Variants in RBFOX1 observed in about 807,000 individuals in gnomAD.
RBFOX1 encodes RNA binding protein fox-1 homolog 1.
A neutral mutation model predicts 57.7 loss-of-function variants in RBFOX1; 8 were observed. The observed-to-expected ratio is 0.14, with a 90% CI of 0.08 to 0.25. The LOEUF is 0.25. RBFOX1 is among the 10% of genes least tolerant of loss of function. The pLI is 1.00. For synonymous variants in RBFOX1, 326 were observed against 222.4 expected, an observed-to-expected ratio of 1.47 and a Z score of -4.15; for missense variants, 611 against 548.5, an observed-to-expected ratio of 1.11 and a Z score of -1.14.
chr16:6,333,483 T>C (rs1383094942), intron 2 of RBFOX1, among the ~76,000 whole-genome samples: 1 of 152,244 alleles, frequency 6.6e-6, no homozygotes, highest in Non-Finnish European at 1.5e-5. Context: ...CAAATCTCCC[T>C]TTGTCATCAT....
At chr16:6,386,029 G>T (rs577215611) in intron 2 of RBFOX1, among the ~76,000 whole-genome samples, 2 of 150,686 alleles carry the variant, frequency 1.3e-5, no homozygotes, top group African/African-American at 4.9e-5. Context: ...TCCGCCTCCC[G>T]GGTTCACACC....
chr16:6,183,822 C>T (rs2097086398), intron 1 of RBFOX1, among the ~76,000 whole-genome samples: 1 of 152,074 alleles, frequency 6.6e-6, no homozygotes, highest in Non-Finnish European at 1.5e-5. Flanking sequence ...GGGGTAGAAG[C>T]TAGGAGGGGA....
At chr16:6,977,992 A>G (rs9938284) in intron 3 of RBFOX1, among the ~76,000 whole-genome samples, 8,995 of 146,692 alleles carry the variant, frequency 0.061, 1,052 homozygotes, top group African/African-American at 0.22. Flanking sequence ...GTGTCTTTGC[A>G]AGACACTCAG....
At chr16:7,511,886 C>G (rs1281377408) in intron 4 of RBFOX1, among the ~76,000 whole-genome samples, 1 of 152,054 alleles carries the variant, frequency 6.6e-6, no homozygotes, top group Non-Finnish European at 1.5e-5. Flanking sequence ...AGCGTGAGAT[C>G]TTGGCCTTCT....
chr16:6,437,929 G>A (rs1248717884), intron 2 of RBFOX1, among the ~76,000 whole-genome samples: 2 of 152,142 alleles, frequency 1.3e-5, no homozygotes, highest in Non-Finnish European at 2.9e-5. Flanking sequence ...TGGGGACACA[G>A]AGCCAAACCA....
rs35177784 is a variant in RBFOX1, at chr16:7,186,994, C to CAAAAAAAAAAAAAAAA, written c.27+134905_27+134920dup. Reference sequence around the variant, plus strand: ...GCAACATGAGGAAACCCCACCTCCACAAAAAAAAAAAAAAAAAAAAAAAAT... The same window carrying CAAAAAAAAAAAAAAAA: ...GCAACATGAGGAAACCCCACCTCCACAAAAAAAAAAAAAAAAAAAAAAAAAAAAAAAAAAAAAAAAT... On this transcript the variant is annotated intron_variant, in intron 4 of 15. Transcript: ENST00000550418. 1.2e-3 allele frequency among the ~76,000 whole-genome samples: 80 copies of CAAAAAAAAAAAAAAAA among 69,258 alleles called. 1 individual carries two copies. Among genetic ancestry groups the CAAAAAAAAAAAAAAAA allele is most frequent in the African/African-American group, 5.0e-3 (79 of 15,646 alleles). The allele number at this position is 69,258 out of a possible 152,430, so 45.4% of individuals were successfully genotyped here.
intron 1 of RBFOX1, among the ~76,000 whole-genome samples, chr16:6,294,277 G>A (rs978259569): frequency 6.6e-6 from 1 of 152,208 alleles, no homozygotes; most frequent in African/African-American, 2.4e-5. Context: ...GGAGAGCACA[G>A]ACTCTTCCTG....
At chr16:7,018,084 C>A (rs760220591) in intron 3 of RBFOX1, among the ~76,000 whole-genome samples, 4 of 151,992 alleles carry the variant, frequency 2.6e-5, no homozygotes, top group African/African-American at 4.8e-5. Context: ...TGCATGTACA[C>A]CCAGCTGTTT....
intron 1 of RBFOX1, chr16:6,057,233 C>T (rs1012431633): frequency 2.4e-4 from 36 of 152,106 alleles, no homozygotes; most frequent in African/African-American, 8.7e-4. Flanking sequence ...ATATTGTCTG[C>T]CTCCTCTAAA....
chr16:6,562,889 T>TC (rs1567694297), intron 2 of RBFOX1, among the ~76,000 whole-genome samples: 12 of 142,912 alleles, frequency 8.4e-5, no homozygotes, highest in Admixed American at 2.8e-4. Flanking sequence ...TCTTTTTTTT[T>TC]TTTTTTTTTG....
chr16:6,968,448 C>T lies in RBFOX1; in HGVS notation c.-15-83609C>T, dbSNP rs573411222. On this transcript the variant is annotated intron_variant, in intron 3 of 15. Coordinates refer to ENST00000550418, the MANE Select transcript of RBFOX1 (RefSeq NM_018723.4). ...ACGCAGCTGAAATAAAAGCATGCTG[C>T]CTGACGCTATCCGGACCGAAAAACT... 2.0e-5 allele frequency among the ~76,000 whole-genome samples: 3 copies of T among 152,210 alleles called. No homozygotes were observed. In the South Asian group the frequency reaches 6.2e-4, roughly 32 times the overall value.
intron 3 of RBFOX1, among the ~76,000 whole-genome samples, chr16:5,832,608 A>G (rs1357653673): frequency 2.6e-5 from 4 of 152,300 alleles, no homozygotes; most frequent in East Asian, 1.9e-4. Flanking sequence ...AATTACACCT[A>G]TTTGATGTCT....
At chr16:6,050,872 G>C (rs1462196525) in intron 1 of RBFOX1, among the ~76,000 whole-genome samples, 1 of 151,524 alleles carries the variant, frequency 6.6e-6, no homozygotes. Context: ...AGGGATGGAA[G>C]TTATTATCTT....
At position 5,944,539 on chromosome 16, in the gene RBFOX1, G is replaced by C. The variant is rs570154350; in HGVS notation, c.351+77204G>C. On this transcript the variant is annotated intron_variant, in intron 4 of 19. Coordinates refer to the RBFOX1 transcript ENST00000641259. ...TAAGCTACATCTGGCTGCAAATCCC[G>C]AGTTGGTCCCTTCGGAGCTGTGTGA... Among the ~76,000 whole-genome samples the C allele has an allele frequency of 2.0e-5, 3 of 152,038 alleles. No homozygotes were observed. In the East Asian group the frequency reaches 5.8e-4, roughly 29 times the overall value.
intron 1 of RBFOX1, among the ~76,000 whole-genome samples, chr16:5,454,849 C>CT (rs374530966): frequency 0.013 from 1,335 of 104,086 alleles, 21 homozygotes; most frequent in Middle Eastern, 0.018. Flanking sequence ...TCCTTTCTTT[C>CT]TTTCTTTTCT....
At chr16:6,797,666 C>G (rs1170877026) in intron 3 of RBFOX1, among the ~76,000 whole-genome samples, 1 of 152,078 alleles carries the variant, frequency 6.6e-6, no homozygotes, top group African/African-American at 2.4e-5. Context: ...TGGAAAGGTC[C>G]TAGAGATTTA....
intron 3 of RBFOX1, among the ~76,000 whole-genome samples, chr16:6,858,078 T>A (rs780726065): frequency 6.6e-6 from 1 of 152,310 alleles, no homozygotes; most frequent in East Asian, 1.9e-4. Flanking sequence ...AAGTTTTTCA[T>A]TGATGTTTCT....
At chr16:7,111,010 T>G (rs930564885) in intron 4 of RBFOX1, among the ~76,000 whole-genome samples, 4 of 152,174 alleles carry the variant, frequency 2.6e-5, no homozygotes, top group African/African-American at 9.7e-5. Context: ...TGTTGTTTTT[T>G]TCTCCTAGAA....
At position 6,466,021 on chromosome 16, in the gene RBFOX1, G is replaced by A. The variant is rs543092854; in HGVS notation, c.-64+148964G>A. Reference sequence around the variant, plus strand: ...AGGTGGGTGGATCACTTGAGGTCACGAGTTTGAGACCAGCCTGGTCAACAT... The same window carrying A: ...AGGTGGGTGGATCACTTGAGGTCACAAGTTTGAGACCAGCCTGGTCAACAT... On this transcript the variant is annotated intron_variant, in intron 2 of 15. Transcript: ENST00000550418. Among the ~76,000 whole-genome samples, 25 of 152,048 alleles carry A rather than the reference G, an allele frequency of 1.6e-4. No homozygotes were observed. In the South Asian group the frequency reaches 3.3e-3, roughly 20 times the overall value.
Sources: gnomAD v4.1 joint callset for allele counts (sites outside exome capture counted in the v4.1 genomes callset) on GRCh38, gnomAD v4.1.1 for gene constraint, MANE v1.5 for transcripts, NCBI Gene and HGNC (gene_info 2026-07-23, HGNC 2026-07-21) for gene names.